Variants in FAM222A observed in about 807,000 individuals in gnomAD.
FAM222A encodes the protein family with sequence similarity 222 member A, also known as protein FAM222A.
In FAM222A, 7 loss-of-function variants were observed where a neutral mutation model predicts 25.8. The observed-to-expected ratio is 0.27, with a 90% confidence interval of 0.15 to 0.51. The LOEUF (loss-of-function observed/expected upper bound fraction) is 0.51. FAM222A is among the 20% of genes least tolerant of loss of function. FAM222A has a pLI of 0.97. For synonymous variants in FAM222A, 294 were observed against 298.8 expected (o/e 0.98, Z 0.17); for missense variants, 573 against 640.5 (o/e 0.89, Z 1.14).
chr12:109,765,067 T>C (rs1429447785), intron 2 of FAM222A, among the ~76,000 whole-genome samples: 1 of 152,194 alleles, frequency 6.6e-6, no homozygotes, highest in Non-Finnish European at 1.5e-5. Flanking sequence ...GACCACACCC[T>C]TCACCCAGGG....
chr12:109,765,442 C>G (rs1328042588), intron 2 of FAM222A, among the ~76,000 whole-genome samples: 2 of 152,246 alleles, frequency 1.3e-5, no homozygotes, highest in African/African-American at 4.8e-5. Context: ...CAAGCCTGCC[C>G]CGGTGCCTCT....
intron 1 of FAM222A, among the ~76,000 whole-genome samples, chr12:109,737,115 G>C (rs563748491): frequency 6.6e-6 from 1 of 152,054 alleles, no homozygotes; most frequent in African/African-American, 2.4e-5. Context: ...TCAGGAACCC[G>C]GACTCCAATT....
chr12:109,765,543 C>G (rs151096099), intron 2 of FAM222A, among the ~76,000 whole-genome samples: 3 of 152,358 alleles, frequency 2.0e-5, no homozygotes, highest in South Asian at 4.1e-4. Context: ...AAATCTGTTT[C>G]TCCCTCCCTT....
At position 109,768,782 on chromosome 12, in the gene FAM222A, T is replaced by C. The variant is rs1247866053; in HGVS notation, c.853T>C (p.Tyr285His). The C allele has an allele frequency of 6.3e-7, 1 of 1,579,354 alleles. No individual in the cohort carries two copies. Among genetic ancestry groups the C allele is most frequent in the Admixed American group, 1.8e-5 (1 of 56,762 alleles). The change falls in exon 3 of 3, where the codon TAC (tyrosine) becomes CAC (histidine). Residue 285 changes from tyrosine (Y) to histidine (H), a missense_variant. Around this residue, in one of 3 missense-constraint regions of FAM222A, gnomAD observed 412 missense variants for 407.0 expected, o/e 1.01. Transcript: ENST00000538780. The stretch of plus-strand genomic sequence containing the variant: ...AGGGTACGCAGACAGCGGCCTGGAT[T>C]ACCTGCTGTGGCCGCAGAAACCGCC... ...PAGYADSGLDYLLWPQKPPPP... is the reference protein window; with the variant it reads ...PAGYADSGLDHLLWPQKPPPP...
At chr12:109,744,602 C>A in intron 2 of FAM222A, 1 of 985,402 alleles carries the variant, frequency 1.0e-6, no homozygotes, top group Non-Finnish European at 1.2e-6. Flanking sequence ...AGAATGGGGT[C>A]CCCGCTTGAG....
Position 109,768,485 on chromosome 12 carries a change from G to A in FAM222A, c.556G>A (p.Gly186Ser), listed in dbSNP as rs1396807701. 3 of 1,604,128 alleles carry A rather than the reference G, an allele frequency of 1.9e-6. No homozygotes were observed. The highest frequency in any genetic ancestry group is 2.2e-5 in the East Asian group (1 of 44,820). Residue 186 changes from glycine (G) to serine (S), a missense_variant, in exon 3 of 3, where the codon GGC becomes AGC. This residue lies in a region of FAM222A where 412 missense variants were observed against 407.0 expected (regional missense o/e 1.01). Transcript: ENST00000538780. ...TGCCGCCTCCGTCATCCCCCTGCCG[G>A]GCCGGGGCCTGCCCCTGCCACCTTC... ...ATAASVIPLP[G>S]RGLPLPPSNL...
chr12:109,748,338 T>TC (rs555152912), intron 2 of FAM222A, among the ~76,000 whole-genome samples: 2 of 106,948 alleles, frequency 1.9e-5, no homozygotes, highest in South Asian at 3.3e-4. Flanking sequence ...TTCTTTCTTT[T>TC]TTTTTTTTTT....
chr12:109,755,284 CTTCTTTT>C (rs1888689505), intron 2 of FAM222A, among the ~76,000 whole-genome samples: 4 of 67,964 alleles, frequency 5.9e-5, no homozygotes, highest in African/African-American at 2.4e-4. Flanking sequence ...GTCTGTAATT[CTTCTTTT>C]TTTTTTTTTT....
intron 1 of FAM222A, among the ~76,000 whole-genome samples, chr12:109,735,355 C>G (rs1008889195): frequency 6.6e-6 from 1 of 152,220 alleles, no homozygotes; most frequent in African/African-American, 2.4e-5. Context: ...GTGGGTACAA[C>G]GCCAATCATG....
chr12:109,745,686 T>C lies in FAM222A; in HGVS notation c.82+1458T>C, dbSNP rs563063492. Among the ~76,000 whole-genome samples the C allele has an allele frequency of 1.4e-4, 22 of 152,278 alleles. 1 individual carries two copies. The highest frequency in any genetic ancestry group is 8.3e-4 in the South Asian group (4 of 4,824). On this transcript the variant is annotated intron_variant, in intron 2 of 2. Coordinates refer to ENST00000538780, the MANE Select transcript of FAM222A (RefSeq NM_032829.3). ...GGGTTTGGTTTTGTTTTGTTTTGTTTAGGGATACAAGGTCTAGCTATGTTG... is the reference window on the plus strand; with the variant it reads ...GGGTTTGGTTTTGTTTTGTTTTGTTCAGGGATACAAGGTCTAGCTATGTTG...
intron 1 of FAM222A, among the ~76,000 whole-genome samples, chr12:109,733,421 A>C (rs1452823601): frequency 6.9e-6 from 1 of 145,378 alleles, no homozygotes; most frequent in Non-Finnish European, 1.5e-5. Context: ...TTTTTTTTTG[A>C]GACGGAGTCT....
intron 2 of FAM222A, among the ~76,000 whole-genome samples, chr12:109,754,376 G>GA (rs918271240): frequency 1.1e-4 from 16 of 147,034 alleles, no homozygotes; most frequent in East Asian, 5.9e-4. Context: ...TCTAAAAAAA[G>GA]AAAAAAAAAA....
intron 1 of FAM222A, among the ~76,000 whole-genome samples, chr12:109,715,329 C>G: frequency 6.6e-6 from 1 of 152,196 alleles, no homozygotes; most frequent in South Asian, 2.1e-4. Context: ...TCCAGAAACG[C>G]AGGTGGCCAC....
Position 109,768,907 on chromosome 12 carries a change from G to A in FAM222A, c.978G>A (p.Gly326=). ...CGGRAYERAS[G]SPLNCGVGLP... ...GCCGGGCATACGAGCGGGCCAGCGG[G>A]TCACCCCTCAACTGTGGCGTGGGGC... The change falls in exon 3 of 3, where the codon GGG becomes GGA. Residue 326 remains glycine, a synonymous_variant. Coordinates refer to ENST00000538780, the MANE Select transcript of FAM222A (RefSeq NM_032829.3). The A allele has an allele frequency of 6.3e-7, 1 of 1,582,406 alleles. No individual in the cohort carries two copies. Among genetic ancestry groups the A allele is most frequent in the East Asian group, 2.3e-5 (1 of 43,596 alleles).
chr12:109,727,253 G>C (rs1887860879), intron 1 of FAM222A, among the ~76,000 whole-genome samples: 1 of 152,112 alleles, frequency 6.6e-6, no homozygotes. Flanking sequence ...GGAGAGGGCG[G>C]TGCAGCCTGG....
chr12:109,741,039 G>A (rs1485032149), intron 1 of FAM222A, among the ~76,000 whole-genome samples: 5 of 152,180 alleles, frequency 3.3e-5, no homozygotes, highest in South Asian at 4.1e-4. Flanking sequence ...AGGTGTGGTG[G>A]GCAAAGAGGG....
intron 2 of FAM222A, 127 bp from the exon 3 acceptor site, chr12:109,767,885 A>T: frequency 1.0e-6 from 1 of 982,844 alleles, no homozygotes; most frequent in African/African-American, 1.6e-5. Context: ...TTCGAAGTTT[A>T]AAAATGTAGA....
intron 1 of FAM222A, among the ~76,000 whole-genome samples, chr12:109,739,221 A>G (rs1476523626): frequency 6.6e-6 from 1 of 152,220 alleles, no homozygotes; most frequent in Admixed American, 6.5e-5. Context: ...CTTGGGGTCA[A>G]CCCAGCCTGG....
At chr12:109,740,748 T>C (rs1888217509) in intron 1 of FAM222A, among the ~76,000 whole-genome samples, 1 of 152,184 alleles carries the variant, frequency 6.6e-6, no homozygotes, top group Admixed American at 6.5e-5. Context: ...TGCCAGGCAC[T>C]GGGGAGAGAC....
Sources: allele counts gnomAD v4.1 joint callset (sites outside exome capture counted in the v4.1 genomes callset), GRCh38; gene constraint gnomAD v4.1.1; regional missense constraint gnomAD v4.1.1; transcripts MANE v1.5; gene names NCBI Gene and HGNC (gene_info 2026-07-23, HGNC 2026-07-21).